UGCG: variants seen among roughly 807,000 people sequenced by gnomAD.
UGCG encodes the protein ceramide glucosyltransferase.
In UGCG, 10 loss-of-function variants were observed where a neutral mutation model predicts 49.5. That is an observed-to-expected ratio of 0.20 (90% confidence interval 0.12 to 0.34). The LOEUF (loss-of-function observed/expected upper bound fraction) is 0.34, where lower values mean the gene tolerates loss of function less well. Ranked by LOEUF, UGCG falls within the 10% of genes least tolerant of loss-of-function variation. The probability of loss-of-function intolerance (pLI) is 1.00; values close to 1 mark genes in which losing one functional copy is unlikely to be tolerated. For synonymous variants in UGCG, 182 were observed against 158.2 expected (o/e 1.15, Z -1.13); for missense variants, 312 against 483.7 (o/e 0.65, Z 3.33).
intron 6 of UGCG, among the ~76,000 whole-genome samples, chr9:111,929,912 G>A (rs1326802965): frequency 1.3e-5 from 2 of 152,044 alleles, no homozygotes; most frequent in Admixed American, 6.6e-5. Flanking sequence ...TCTGCCTCCC[G>A]GGTTCAGGTG....
intron 2 of UGCG, among the ~76,000 whole-genome samples, chr9:111,916,096 A>G (rs1335086003): frequency 2.0e-5 from 3 of 152,204 alleles, no homozygotes; most frequent in Non-Finnish European, 4.4e-5. Context: ...AAAAAATGGT[A>G]AAACTTAGCC....
At chr9:111,929,468 C>A in intron 5 of UGCG, 32 bp from the exon 6 acceptor site, 1 of 1,580,816 alleles carries the variant, frequency 6.3e-7, no homozygotes. Flanking sequence ...ACATGAAATT[C>A]TAATCATACA....
Position 111,932,362 on chromosome 9 carries a change from A to G in UGCG, c.1014+3A>G. ...ACATTCAACTCAGGGGTGTCCAGGT[A>G]TGTGGATAGGCATGAAAAGGTTGGC... On this transcript the variant is annotated splice_donor_region_variant and intron_variant, in intron 8 of 8. Transcript: ENST00000374279. 1 of 1,612,676 alleles carries G rather than the reference A, an allele frequency of 6.2e-7. No homozygotes were observed. The highest frequency in any genetic ancestry group is 8.5e-7 in the Non-Finnish European group (1 of 1,179,160).
intron 5 of UGCG, 115 bp downstream of exon 5, chr9:111,926,611 G>T: frequency 1.5e-6 from 1 of 682,710 alleles, no homozygotes; most frequent in Admixed American, 3.6e-5. Flanking sequence ...AAGTCCATTT[G>T]GGAACCTGCT....
chr9:111,929,656 A>C lies in UGCG; in HGVS notation c.715A>C (p.Met239Leu). The C allele has an allele frequency of 6.2e-7, 1 of 1,613,820 alleles. No homozygotes were observed. The highest frequency in any genetic ancestry group is 8.5e-7 in the Non-Finnish European group (1 of 1,179,940). The change falls in exon 6 of 9, where the codon ATG (methionine) becomes CTG (leucine). Residue 239 changes from methionine (M) to leucine (L), a missense_variant. Transcript: ENST00000374279. ...TCAGTACATTGCCGAAGATTACTTTATGGCCAAAGCGATAGCTGACCGGTA... is the reference window on the plus strand; with the variant it reads ...TCAGTACATTGCCGAAGATTACTTTCTGGCCAAAGCGATAGCTGACCGGTA... ...FAQYIAEDYF[M>L]AKAIADRGWR...
chr9:111,912,903 G>A (rs1838041447), intron 1 of UGCG, among the ~76,000 whole-genome samples: 1 of 152,094 alleles, frequency 6.6e-6, no homozygotes, highest in Admixed American at 6.6e-5. Context: ...GTGTGTGTGT[G>A]TGCGTGTGTG....
In UGCG at chr9:111,897,142, C is replaced by G; in HGVS notation, c.-74C>G. The stretch of plus-strand genomic sequence containing the variant: ...CCGCGCCCCCGCACCGGGCGCCCAC[C>G]CTGTCCTCCTCCTGCGGGAGCGTTG... On this transcript the variant is annotated 5_prime_UTR_variant, in exon 1 of 9. Coordinates refer to ENST00000374279, the MANE Select transcript of UGCG (RefSeq NM_003358.3). 7 of 1,408,098 alleles carry G rather than the reference C, an allele frequency of 5.0e-6. No homozygotes were observed. The highest frequency in any genetic ancestry group is 5.8e-6 in the Non-Finnish European group (6 of 1,041,136). 87.2% of individuals were successfully genotyped at this position (1,408,098 alleles called of 1,614,324 possible). A position where few individuals can be genotyped will look rare whatever the true frequency, so the allele number is the denominator to read the frequency against.
intron 5 of UGCG, among the ~76,000 whole-genome samples, chr9:111,927,278 T>G (rs1251363358): frequency 2.0e-5 from 3 of 152,176 alleles, no homozygotes; most frequent in Non-Finnish European, 2.9e-5. Context: ...TTAAAACATA[T>G]TTCTAATAAT....
At chr9:111,925,351 A>G (rs1838297860) in intron 4 of UGCG, among the ~76,000 whole-genome samples, 1 of 152,280 alleles carries the variant, frequency 6.6e-6, no homozygotes, top group Admixed American at 6.5e-5. Context: ...TACTGAAATT[A>G]TAACTTGCAT....
At chr9:111,917,730 C>G (rs908540120) in intron 2 of UGCG, among the ~76,000 whole-genome samples, 3 of 152,204 alleles carry the variant, frequency 2.0e-5, no homozygotes, top group Non-Finnish European at 2.9e-5. Context: ...TCTGAAAGAT[C>G]TCTGCGCTGT....
intron 6 of UGCG, among the ~76,000 whole-genome samples, chr9:111,930,821 T>C (rs1362469841): frequency 6.6e-6 from 1 of 152,216 alleles, no homozygotes. Flanking sequence ...TTCTTTTAAA[T>C]TTTTTAAAAA....
chr9:111,931,167 T>TAAAC, intron 6 of UGCG, 104 bp from the exon 7 acceptor site: 1 of 1,087,166 alleles, frequency 9.2e-7, no homozygotes, highest in Non-Finnish European at 1.3e-6. Context: ...TCACCCTGAA[T>TAAAC]ACCGGCAGTT....
chr9:111,922,947 T>C lies in UGCG; in HGVS notation c.339T>C (p.Phe113=), dbSNP rs764074794. ...ATCCAAATGTTGATGCTAGATTGTT[T>C]ATAGGTAAGTAACAAATTCTGTAGT... ...GKYPNVDARL[F]IGGKKVGINP... is the part of the protein sequence containing the mutation. The change falls in exon 3 of 9, where the codon TTT becomes TTC. Residue 113 remains phenylalanine, a synonymous_variant. Transcript: ENST00000374279. 9.4e-6 allele frequency: 15 copies of C among 1,601,924 alleles called. No individual in the cohort carries two copies. Among genetic ancestry groups the C allele is most frequent in the Admixed American group, 1.7e-5 (1 of 59,578 alleles).
chr9:111,931,153 G>A, intron 6 of UGCG, 118 bp from the exon 7 acceptor site: 1 of 922,244 alleles, frequency 1.1e-6, no homozygotes, highest in Non-Finnish European at 1.6e-6. Flanking sequence ...CATGAAAGCT[G>A]GGCTCACCCT....
chr9:111,932,692 A>C (rs1838448189), intron 8 of UGCG, 135 bp from the exon 9 acceptor site: 3 of 785,412 alleles, frequency 3.8e-6, no homozygotes, highest in African/African-American at 3.5e-5. Context: ...ATAACATGGC[A>C]GTTAAATTAC....
At chr9:111,924,491 C>T (rs1048533579) in intron 3 of UGCG, among the ~76,000 whole-genome samples, 6 of 152,050 alleles carry the variant, frequency 3.9e-5, no homozygotes, top group Non-Finnish European at 7.4e-5. Context: ...CCATGTTGTA[C>T]AATTGCCATT....
At chr9:111,927,678 C>T (rs1838346372) in intron 5 of UGCG, among the ~76,000 whole-genome samples, 1 of 152,052 alleles carries the variant, frequency 6.6e-6, no homozygotes, top group Admixed American at 6.5e-5. Context: ...GTCTCGATCT[C>T]CTGACCTCGT....
intron 2 of UGCG, among the ~76,000 whole-genome samples, chr9:111,922,418 A>G (rs1227928737): frequency 6.6e-6 from 1 of 152,222 alleles, no homozygotes; most frequent in Non-Finnish European, 1.5e-5. Context: ...AATAATATTA[A>G]GTATAGAGAC....
intron 2 of UGCG, among the ~76,000 whole-genome samples, chr9:111,921,074 TC>T (rs1302345232): frequency 6.6e-6 from 1 of 151,948 alleles, no homozygotes; most frequent in African/African-American, 2.4e-5. Flanking sequence ...GGCTAATTTT[TC>T]GTATTTTTAG....
Sources: gnomAD v4.1 joint callset for allele counts (sites outside exome capture counted in the v4.1 genomes callset) on GRCh38, gnomAD v4.1.1 for gene constraint, MANE v1.5 for transcripts, NCBI Gene and HGNC (gene_info 2026-07-23, HGNC 2026-07-21) for gene names.